Variants in MFSD12 observed in about 807,000 individuals in gnomAD.
The protein encoded by MFSD12 is major facilitator superfamily domain containing 12.
In MFSD12, 67 loss-of-function variants were observed where a neutral mutation model predicts 51.2. The observed-to-expected ratio is 1.31, with a 90% CI of 1.08 to 1.60. MFSD12 has a LOEUF of 1.60. Among genes scored for constraint, MFSD12 ranks in the 40% most tolerant of loss-of-function variants. MFSD12 has a pLI of 0.00. For missense variants in MFSD12, 921 were observed against 673.0 expected (o/e 1.37, Z -4.08); for synonymous variants, 441 against 316.7 (o/e 1.39, Z -4.17).
Position 3,551,180 on chromosome 19 carries a change from G to A in MFSD12, c.313C>T (p.Leu105=). 1 of 1,607,760 alleles carries A rather than the reference G, an allele frequency of 6.2e-7. No homozygotes were observed. The highest frequency in any genetic ancestry group is 8.5e-7 in the Non-Finnish European group (1 of 1,177,400). ...AWHLVGTVCV[L]LSFPFIFSPC... ...CTGAAGATGAAGGGGAAGGACAGCA[G>A]GACGCAGACGGTGCCTGTGGAAGGC... Residue 105 remains leucine (L), a synonymous_variant, in exon 2 of 10, where the codon CTG becomes TTG. Transcript: ENST00000355415. This position sits in a 1 kb window ranked among gnomAD's most constrained non-coding sequence, Gnocchi z 4.6.
At chr19:3,540,628 C>T (rs907450583), downstream of MFSD12, among the ~76,000 whole-genome samples, 2 of 151,646 alleles carry the variant, frequency 1.3e-5, no homozygotes, top group African/African-American at 4.8e-5. Context: ...GCCTGTAATT[C>T]CAGCACTTTC....
In MFSD12 at chr19:3,557,379, C is replaced by T. The variant is rs1278232195; in HGVS notation, c.25G>A (p.Gly9Arg). The change falls in exon 1 of 10, where the codon GGA (glycine) becomes AGA (arginine). Residue 9 changes from glycine to arginine, a missense_variant. Transcript: ENST00000355415. Reference sequence around the variant, plus strand: ...AGCGGCCGCGGGGACGGCGCCGCTCCGGCCGCTGGGGGTCCCGGGCCCATC... The same window carrying T: ...AGCGGCCGCGGGGACGGCGCCGCTCTGGCCGCTGGGGGTCCCGGGCCCATC... MGPGPPAA[G>R]AAPSPRPLSL... The T allele has an allele frequency of 1.0e-5, 15 of 1,451,434 alleles. No homozygotes were observed. The highest frequency in any genetic ancestry group is 3.0e-5 in the African/African-American group (2 of 67,576). 89.9% of individuals were successfully genotyped at this position (1,451,434 alleles called of 1,614,324 possible). A position where few individuals can be genotyped will look rare whatever the true frequency, so the allele number is the denominator to read the frequency against.
At chr19:3,556,812 T>C (rs935335172) in intron 1 of MFSD12, among the ~76,000 whole-genome samples, 2 of 106,302 alleles carry the variant, frequency 1.9e-5, no homozygotes, top group Non-Finnish European at 2.0e-5. Flanking sequence ...GGCTGGGTGG[T>C]GGGACTGATG....
chr19:3,542,732 C>T (rs1328457250), downstream of MFSD12: 4 of 1,320,216 alleles, frequency 3.0e-6, no homozygotes, highest in South Asian at 1.2e-5. Context: ...ATCCACCTGC[C>T]TCAGCCTCCC....
chr19:3,539,219 C>G, downstream of MFSD12: 1 of 1,550,864 alleles, frequency 6.4e-7, no homozygotes, highest in Non-Finnish European at 8.7e-7. Context: ...CCTGTATCCC[C>G]TCGGGGACCC....
chr19:3,544,527 T>G lies in MFSD12; in HGVS notation c.*183A>C, dbSNP rs1037569674. The G allele has an allele frequency of 8.5e-6, 12 of 1,406,516 alleles. No individual in the cohort carries two copies. The Admixed American group carries it at 8.9e-5, about 10-fold the overall frequency. The allele number at this position is 1,406,516 out of a possible 1,614,324, so 87.1% of individuals were successfully genotyped here. ...ACACCCTCAAAACCCAGGGGGTCCT[T>G]GCAAGTCCCTGGCGGGCATCCCTGC... On this transcript the variant is annotated 3_prime_UTR_variant, in exon 10 of 10. Transcript: ENST00000355415.
rs1399497131 is a variant in MFSD12 at position 3,547,937 on chromosome 19, G to C, written c.748C>G (p.Pro250Ala). The change falls in exon 4 of 10, where the codon CCA becomes GCA. Residue 250 changes from proline to alanine, a missense_variant. By Grantham distance (27) the Pro-to-Ala change is conservative (BLOSUM62 -1). Coordinates refer to ENST00000355415, the MANE Select transcript of MFSD12 (RefSeq NM_174983.5). ...RERRRPHAEE[P>A]GEHTPLLAPA... ...GCCAACAGGGGGGTGTGCTCGCCTG[G>C]CTCCTCCGCATGCGGCCGGCGCCTC... 5.0e-6 allele frequency: 8 copies of C among 1,593,164 alleles called. No homozygotes were observed. The highest frequency in any genetic ancestry group is 6.8e-6 in the Non-Finnish European group (8 of 1,176,208).
intron 8 of MFSD12, 60 bp downstream of exon 8, chr19:3,546,014 G>A: frequency 1.3e-6 from 2 of 1,559,168 alleles, no homozygotes; most frequent in Non-Finnish European, 1.8e-6. Context: ...TGGACACACA[G>A]CAGGCGCTTA....
chr19:3,550,289 C>T (rs1224089790), intron 2 of MFSD12, among the ~76,000 whole-genome samples: 1 of 152,164 alleles, frequency 6.6e-6, no homozygotes, highest in Non-Finnish European at 1.5e-5. Context: ...TGGCTCATGC[C>T]TGTAATCGCA....
At chr19:3,548,461 A>G (rs1022760791) in intron 2 of MFSD12, among the ~76,000 whole-genome samples, 194 bp from the exon 3 acceptor site, 1 of 152,182 alleles carries the variant, frequency 6.6e-6, no homozygotes, top group African/African-American at 2.4e-5. Context: ...CTAACGCGGG[A>G]AAGCTGTGAC....
intron 4 of MFSD12, chr19:3,539,038 G>A: frequency 1.5e-6 from 1 of 647,016 alleles, no homozygotes; most frequent in South Asian, 1.7e-5. Context: ...CGACTCTCCA[G>A]CCCTTCCCTC....
intron 8 of MFSD12, 121 bp from the exon 9 acceptor site, chr19:3,545,060 G>A: frequency 3.7e-6 from 5 of 1,348,546 alleles, no homozygotes; most frequent in South Asian, 1.4e-5. Flanking sequence ...CAGGAGCTGG[G>A]GGCCCTGCCA....
downstream of MFSD12, chr19:3,542,258 C>T (rs2122087794): frequency 1.0e-6 from 1 of 985,392 alleles, no homozygotes; most frequent in African/African-American, 1.7e-5. Context: ...TGTAACTGAC[C>T]AGGCTACTCC....
At chr19:3,543,450 A>G, downstream of MFSD12, 1 of 1,520,482 alleles carries the variant, frequency 6.6e-7, no homozygotes, top group Non-Finnish European at 8.8e-7. Context: ...TGCTACCAAC[A>G]CCGTGAGTGC....
chr19:3,545,071 C>T (rs1271804475), intron 8 of MFSD12, 132 bp from the exon 9 acceptor site: 4 of 1,162,666 alleles, frequency 3.4e-6, no homozygotes, highest in Admixed American at 5.2e-5. Context: ...GGCCCTGCCA[C>T]TCCCTCCCTC....
chr19:3,538,399 A>G, exon 5 of MFSD12: 1 of 257,342 alleles, frequency 3.9e-6, no homozygotes, highest in East Asian at 1.1e-4. Context: ...CATTCTCATC[A>G]CCCAGAAGGC....
At chr19:3,543,764 A>C, downstream of MFSD12, 6 of 1,490,098 alleles carry the variant, frequency 4.0e-6, no homozygotes, top group Non-Finnish European at 4.5e-6. Context: ...GGGGCGATCC[A>C]GGAGCCCCTT....
chr19:3,544,972 G>A (rs772392230), intron 8 of MFSD12, 33 bp from the exon 9 acceptor site: 149 of 1,578,994 alleles, frequency 9.4e-5, no homozygotes, highest in Middle Eastern at 7.3e-4. Flanking sequence ...AGTAGGCACC[G>A]CGGGTACCAC....
At position 3,557,299 on chromosome 19, in the gene MFSD12, G is replaced by C; in HGVS notation, c.105C>G (p.Cys35Trp). 1 of 1,593,166 alleles carries C rather than the reference G, an allele frequency of 6.3e-7. No homozygotes were observed. ...GCAGGTAGGTGAACCACATGGACGCGCACAGGTCGTTGAGGAAGTGGCCCA... is the reference window on the plus strand; with the variant it reads ...GCAGGTAGGTGAACCACATGGACGCCCACAGGTCGTTGAGGAAGTGGCCCA... Reference protein sequence around the residue: ...YAVGHFLNDLCASMWFTYLLL... With the variant: ...YAVGHFLNDLWASMWFTYLLL... The change falls in exon 1 of 10, where the codon TGC becomes TGG. Residue 35 changes from cysteine to tryptophan, a missense_variant. Coordinates refer to ENST00000355415, the MANE Select transcript of MFSD12 (RefSeq NM_174983.5).
Sources: allele counts gnomAD v4.1 joint callset (sites outside exome capture counted in the v4.1 genomes callset), GRCh38; gene constraint gnomAD v4.1.1; non-coding constraint Gnocchi (gnomAD v3.1); transcripts MANE v1.5; gene names NCBI Gene and HGNC (gene_info 2026-07-23, HGNC 2026-07-21).